Variants in MAMDC2 observed in about 807,000 individuals in gnomAD.
MAMDC2 encodes MAM domain containing 2.
MAMDC2 carries 57 observed loss-of-function variants against 89.8 expected under a neutral mutation model. The ratio of observed to expected loss-of-function variants is 0.63; its 90% CI spans 0.51 to 0.79. The LOEUF (loss-of-function observed/expected upper bound fraction) is 0.79. Ranked by LOEUF, MAMDC2 falls within the 30% of genes least tolerant of loss-of-function variation. The probability of loss-of-function intolerance (pLI) is 0.00; values close to 1 mark genes in which losing one functional copy is unlikely to be tolerated. For synonymous variants in MAMDC2, 313 were observed against 293.4 expected (o/e 1.07, Z -0.68); for missense variants, 800 against 820.6 (o/e 0.97, Z 0.31).
chr9:70,052,927 G>A (rs1313917439), intron 2 of MAMDC2, among the ~76,000 whole-genome samples: 1 of 152,170 alleles, frequency 6.6e-6, no homozygotes, highest in East Asian at 1.9e-4. Context: ...AAAGCTCTTG[G>A]ATTATTTACC....
intron 6 of MAMDC2, among the ~76,000 whole-genome samples, chr9:70,130,660 G>A (rs1383901489): frequency 3.3e-5 from 5 of 152,118 alleles, no homozygotes; most frequent in Non-Finnish European, 7.4e-5. Context: ...TGCTGAGATC[G>A]GGGTTCTCAC....
intron 2 of MAMDC2, among the ~76,000 whole-genome samples, chr9:70,064,174 A>AT (rs1487095767): frequency 6.6e-6 from 1 of 151,948 alleles, no homozygotes; most frequent in Non-Finnish European, 1.5e-5. Context: ...TTTTTTTAAA[A>AT]TTTTTTTTCC....
chr9:70,200,533 G>A (rs1045717515), intron 11 of MAMDC2, among the ~76,000 whole-genome samples: 1 of 151,288 alleles, frequency 6.6e-6, no homozygotes, highest in East Asian at 1.9e-4. Context: ...TTGGCGATGC[G>A]GGCTCTTTTT....
chr9:70,107,474 G>A (rs1170716525), intron 2 of MAMDC2, among the ~76,000 whole-genome samples: 8 of 152,100 alleles, frequency 5.3e-5, no homozygotes, highest in Non-Finnish European at 1.2e-4. Flanking sequence ...TAGAGGAGAA[G>A]GAAGGACAAT....
At chr9:70,127,899 G>A (rs1036876303) in intron 6 of MAMDC2, among the ~76,000 whole-genome samples, 2 of 152,158 alleles carry the variant, frequency 1.3e-5, no homozygotes, top group African/African-American at 2.4e-5. Context: ...CACTGACAGC[G>A]TTCTCTTTAC....
chr9:70,141,060 G>A (rs961686242), intron 8 of MAMDC2, among the ~76,000 whole-genome samples: 5 of 152,128 alleles, frequency 3.3e-5, no homozygotes, highest in African/African-American at 1.2e-4. Context: ...TGGAGACTGA[G>A]GTGAGTTTAC....
chr9:70,065,120 C>A (rs1330524245), intron 2 of MAMDC2, among the ~76,000 whole-genome samples: 1 of 152,190 alleles, frequency 6.6e-6, no homozygotes, highest in Non-Finnish European at 1.5e-5. Flanking sequence ...AAACGACTAA[C>A]AGGGATTACG....
At chr9:70,215,128 A>T (rs1489885979) in intron 11 of MAMDC2, among the ~76,000 whole-genome samples, 2 of 152,192 alleles carry the variant, frequency 1.3e-5, no homozygotes, top group African/African-American at 4.8e-5. Context: ...GGAAAGAGAG[A>T]GTGGAATTGT....
intron 2 of MAMDC2, among the ~76,000 whole-genome samples, chr9:70,057,228 A>G (rs1827043467): frequency 6.6e-6 from 1 of 152,208 alleles, no homozygotes; most frequent in Non-Finnish European, 1.5e-5. Context: ...GCTAACTGTT[A>G]GAAATCAATC....
intron 2 of MAMDC2, among the ~76,000 whole-genome samples, chr9:70,051,187 A>C (rs972964313): frequency 2.6e-5 from 4 of 152,156 alleles, no homozygotes; most frequent in South Asian, 4.2e-4. Context: ...TGGGGTGGTA[A>C]TATCTGCCTG....
At chr9:70,206,937 T>C (rs1481629770) in intron 11 of MAMDC2, among the ~76,000 whole-genome samples, 1 of 152,158 alleles carries the variant, frequency 6.6e-6, no homozygotes, top group Non-Finnish European at 1.5e-5. Flanking sequence ...GCTTCATCCA[T>C]GTCCCTACAA....
chr9:70,209,130 T>C (rs909261046), intron 11 of MAMDC2, among the ~76,000 whole-genome samples: 6 of 152,258 alleles, frequency 3.9e-5, no homozygotes, highest in African/African-American at 1.4e-4. Flanking sequence ...GGTATCAGGA[T>C]GATGTTGGCC....
intron 9 of MAMDC2, among the ~76,000 whole-genome samples, chr9:70,161,814 A>G (rs2031983806): frequency 6.6e-6 from 1 of 152,208 alleles, no homozygotes; most frequent in Non-Finnish European, 1.5e-5. Flanking sequence ...TGACTGGATT[A>G]TAGTAATTTT....
chr9:70,044,464 C>A, intron 1 of MAMDC2, 120 bp from the exon 2 acceptor site: 1 of 883,712 alleles, frequency 1.1e-6, no homozygotes, highest in Non-Finnish European at 1.8e-6. Flanking sequence ...CTGCATCCCT[C>A]TCCCGCCCCC....
chr9:70,045,566 C>T (rs1370979818), intron 2 of MAMDC2, among the ~76,000 whole-genome samples: 1 of 152,120 alleles, frequency 6.6e-6, no homozygotes, highest in Non-Finnish European at 1.5e-5. Context: ...CAGCTCACCT[C>T]CTTCCCCACT....
intron 9 of MAMDC2, among the ~76,000 whole-genome samples, chr9:70,158,139 G>C (rs1037113930): frequency 6.6e-6 from 1 of 152,004 alleles, no homozygotes; most frequent in African/African-American, 2.4e-5. Context: ...TGCATTTTTT[G>C]TAGAAATGTG....
At chr9:70,074,222 A>C (rs956409534) in intron 2 of MAMDC2, among the ~76,000 whole-genome samples, 1 of 152,226 alleles carries the variant, frequency 6.6e-6, no homozygotes, top group South Asian at 2.1e-4. Flanking sequence ...TTATGAATGT[A>C]TTTCAGGCAA....
intron 2 of MAMDC2, among the ~76,000 whole-genome samples, chr9:70,067,050 G>C (rs1375281321): frequency 6.6e-6 from 1 of 152,180 alleles, no homozygotes; most frequent in East Asian, 1.9e-4. Flanking sequence ...GGAAGAATCA[G>C]GACTGGACAG....
intron 2 of MAMDC2, among the ~76,000 whole-genome samples, chr9:70,045,755 A>T (rs1826734601): frequency 6.6e-6 from 1 of 152,176 alleles, no homozygotes; most frequent in African/African-American, 2.4e-5. Context: ...GACCCGTTTT[A>T]CAGAGGAAGG....
Sources: allele counts gnomAD v4.1 joint callset (sites outside exome capture counted in the v4.1 genomes callset), GRCh38; gene constraint gnomAD v4.1.1; transcripts MANE v1.5; gene names NCBI Gene and HGNC (gene_info 2026-07-23, HGNC 2026-07-21).